The following RBM19 variants were observed in gnomAD, a reference collection of about 807,000 sequenced individuals.
RBM19 encodes RNA binding motif protein 19.
In RBM19, 94 loss-of-function variants were observed where a neutral mutation model predicts 116.8. The ratio of observed to expected loss-of-function variants is 0.80; its 90% CI spans 0.68 to 0.95. The LOEUF is 0.95. Ranked by LOEUF, RBM19 falls within the 40% of genes least tolerant of loss-of-function variation. The pLI is 0.00. For synonymous variants in RBM19, 475 were observed against 494.1 expected (o/e 0.96, Z 0.51); for missense variants, 1,161 against 1,220.7 (o/e 0.95, Z 0.73).
At position 113,823,331 on chromosome 12, in the gene RBM19, C is replaced by T. The variant is rs964228359; in HGVS notation, c.2786-10G>A. 1 of 1,611,300 alleles carries T rather than the reference C, an allele frequency of 6.2e-7. No individual in the cohort carries two copies. Among genetic ancestry groups the T allele is most frequent in the Non-Finnish European group, 8.5e-7 (1 of 1,179,244 alleles). On this transcript the variant is annotated splice_polypyrimidine_tract_variant and intron_variant, in intron 23 of 23. Transcript: ENST00000261741. The stretch of plus-strand genomic sequence containing the variant: ...TTTTTCTTCGGGGGCTCTGTGGGAG[C>T]CCAGATGGCAAGAGAGGAGAAAAGA...
At chr12:113,923,087 T>G (rs2135870178) in intron 18 of RBM19, among the ~76,000 whole-genome samples, 1 of 152,248 alleles carries the variant, frequency 6.6e-6, no homozygotes, top group African/African-American at 2.4e-5. Context: ...TGAGCTGAGA[T>G]CACACCATTG....
intron 21 of RBM19, among the ~76,000 whole-genome samples, chr12:113,908,555 C>A (rs1409043706): frequency 8.5e-6 from 1 of 117,416 alleles, no homozygotes; most frequent in East Asian, 3.0e-4. Context: ...GTGGTTCACA[C>A]CTCAAGGAAG....
In RBM19 at chr12:113,947,372, C is replaced by T; in HGVS notation, c.1369G>A (p.Val457Met). 2 of 1,609,146 alleles carry T rather than the reference C, an allele frequency of 1.2e-6. No homozygotes were observed. The highest frequency in any genetic ancestry group is 1.7e-6 in the Non-Finnish European group (2 of 1,175,880). Residue 457 changes from valine to methionine, a missense_variant, in exon 11 of 24, where the codon GTG (valine) becomes ATG (methionine). Coordinates refer to ENST00000261741, the MANE Select transcript of RBM19 (RefSeq NM_016196.4). ...CCGTCCACCTCCGAGTAGGCCTTCA[C>T]AGCGTGCTCAGGGAACATGAAGGTG... The part of the protein sequence containing the change: ...FITFMFPEHA[V>M]KAYSEVDGQV...
intron 20 of RBM19, among the ~76,000 whole-genome samples, chr12:113,915,453 T>C (rs927379498): frequency 1.3e-5 from 2 of 152,184 alleles, no homozygotes; most frequent in Non-Finnish European, 2.9e-5. Flanking sequence ...CCAAAGGTCT[T>C]GTGACACTTC....
intron 23 of RBM19, among the ~76,000 whole-genome samples, chr12:113,842,564 G>A (rs1422517531): frequency 6.6e-6 from 1 of 152,238 alleles, no homozygotes; most frequent in South Asian, 2.1e-4. Flanking sequence ...TGCTGGGCAC[G>A]GGGGACCCAG....
At chr12:113,843,655 A>G (rs937949318) in intron 23 of RBM19, among the ~76,000 whole-genome samples, 4 of 152,114 alleles carry the variant, frequency 2.6e-5, no homozygotes, top group African/African-American at 9.7e-5. Flanking sequence ...AGGTGTGGAG[A>G]TGGGGATCAA....
In RBM19 at chr12:113,960,738, C is replaced by T. The variant is rs543769092; in HGVS notation, c.220-560G>A. On this transcript the variant is annotated intron_variant, in intron 2 of 23. Transcript: ENST00000261741. ...TGGGGCAGTGGCTACCACAGTTACC[C>T]CACACTGCCCTGGGTTAATTATCAT... Among the ~76,000 whole-genome samples the T allele has an allele frequency of 2.0e-5, 3 of 152,262 alleles. No individual in the cohort carries two copies. In the East Asian group the frequency reaches 5.8e-4, roughly 29 times the overall value.
rs552670345 is a variant in RBM19, at chr12:113,957,679, G to C, written c.840+103C>G. On this transcript the variant is annotated intron_variant, in intron 6 of 23. Transcript: ENST00000261741. Reference sequence around the variant, plus strand: ...GGAAGGCTTTGGACTGCAGAGCTGCGTCTTTCCCCAACATTCCGCTCTCCT... The same window carrying C: ...GGAAGGCTTTGGACTGCAGAGCTGCCTCTTTCCCCAACATTCCGCTCTCCT... 9.0e-6 allele frequency: 13 copies of C among 1,451,588 alleles called. No homozygotes were observed. In the South Asian group the frequency reaches 2.0e-4, roughly 22 times the overall value. 89.9% of individuals were successfully genotyped at this position (1,451,588 alleles called of 1,614,324 possible). A position where few individuals can be genotyped will look rare whatever the true frequency, so the allele number is the denominator to read the frequency against.
At chr12:113,952,210 C>T (rs3816580) in intron 8 of RBM19, among the ~76,000 whole-genome samples, 40,774 of 152,176 alleles carry the variant, frequency 0.27, 5,773 homozygotes, top group Middle Eastern at 0.41. Context: ...CTAGCAAACC[C>T]CAGGACCTGT....
intron 21 of RBM19, among the ~76,000 whole-genome samples, chr12:113,882,165 G>A (rs972079471): frequency 9.9e-5 from 15 of 152,232 alleles, no homozygotes; most frequent in African/African-American, 3.1e-4. Context: ...AAGGGCAGGT[G>A]TGTAGGAGAG....
At chr12:113,949,811 A>G (rs1211894080) in intron 9 of RBM19, among the ~76,000 whole-genome samples, 1 of 152,084 alleles carries the variant, frequency 6.6e-6, no homozygotes, top group Non-Finnish European at 1.5e-5. Context: ...CCTCCCCAGG[A>G]CCCGTGCCTG....
At chr12:113,949,067 G>T in intron 9 of RBM19, 31 bp from the exon 10 acceptor site, 5 of 1,591,838 alleles carry the variant, frequency 3.1e-6, no homozygotes, top group Non-Finnish European at 2.6e-6. Context: ...GGCTCCAGGG[G>T]GAGGCCTAGA....
At chr12:113,966,136 C>A in intron 1 of RBM19, 56 bp downstream of exon 1, 1 of 1,611,844 alleles carries the variant, frequency 6.2e-7, no homozygotes, top group Non-Finnish European at 8.5e-7. Flanking sequence ...TCTTCCCTAC[C>A]TCACAGCTCC....
intron 2 of RBM19, among the ~76,000 whole-genome samples, chr12:113,961,804 C>A (rs1308960721): frequency 6.6e-6 from 1 of 152,250 alleles, no homozygotes; most frequent in Admixed American, 6.5e-5. Context: ...GACCTGTCAG[C>A]CCCCTGCCTG....
At chr12:113,942,973 C>T (rs562347252) in intron 13 of RBM19, among the ~76,000 whole-genome samples, 35 of 152,294 alleles carry the variant, frequency 2.3e-4, no homozygotes, top group African/African-American at 8.4e-4. Flanking sequence ...GTCCCCTCTC[C>T]TGCACTCCCT....
chr12:113,921,424 T>C (rs1868548579), intron 18 of RBM19, among the ~76,000 whole-genome samples: 1 of 152,158 alleles, frequency 6.6e-6, no homozygotes, highest in Non-Finnish European at 1.5e-5. Flanking sequence ...CTCATACATA[T>C]TTGTTAGGTT....
At chr12:113,927,010 T>G in intron 17 of RBM19, 44 bp downstream of exon 17, 7 of 1,563,284 alleles carry the variant, frequency 4.5e-6, no homozygotes, top group East Asian at 2.3e-5. Flanking sequence ...AGACTGGGGT[T>G]TCCCATCCCA....
chr12:113,868,289 AGACGGGGTAGATCTG>A (rs1878981011), intron 21 of RBM19, among the ~76,000 whole-genome samples: 1 of 152,244 alleles, frequency 6.6e-6, no homozygotes, highest in African/African-American at 2.4e-5. Context: ...GCCTCACAGT[AGACGGGGTAGATCTG>A]TGCGTACAGT....
At chr12:113,923,815 C>G (rs1868808684) in intron 18 of RBM19, among the ~76,000 whole-genome samples, 1 of 152,238 alleles carries the variant, frequency 6.6e-6, no homozygotes, top group Non-Finnish European at 1.5e-5. Context: ...GCACATTGGT[C>G]TCTCTAGCTA....
Sources: allele counts gnomAD v4.1 joint callset (sites outside exome capture counted in the v4.1 genomes callset), GRCh38; gene constraint gnomAD v4.1.1; transcripts MANE v1.5; gene names NCBI Gene and HGNC (gene_info 2026-07-23, HGNC 2026-07-21).